Variants in LRRC8E observed in about 807,000 individuals in gnomAD.
LRRC8E encodes the protein leucine rich repeat containing 8 VRAC subunit E.
A neutral mutation model predicts 6.1 loss-of-function variants in LRRC8E; 6 were observed. The ratio of observed to expected loss-of-function variants is 0.98; its 90% CI spans 0.54 to 1.93. The LOEUF is 1.93. LRRC8E is among the 30% of genes most tolerant of loss of function. LRRC8E has a pLI of 0.01. For synonymous variants in LRRC8E, 485 were observed against 472.8 expected (o/e 1.03, Z -0.33); for missense variants, 1,028 against 1,031.4 (o/e 1.00, Z 0.04).
Position 7,895,409 on chromosome 19 carries a change from G to C in LRRC8E, c.-5-190G>C. The C allele has an allele frequency of 1.6e-6, 1 of 639,634 alleles. No homozygotes were observed. 39.6% of individuals were successfully genotyped at this position (639,634 alleles called of 1,614,324 possible). A position where few individuals can be genotyped will look rare whatever the true frequency, so the allele number is the denominator to read the frequency against. ...GTGGCCGCTTGGTTCTGGGCAGGTGGTGACGTCTGCATGGAGGGTGACTAA... is the reference window on the plus strand; with the variant it reads ...GTGGCCGCTTGGTTCTGGGCAGGTGCTGACGTCTGCATGGAGGGTGACTAA... On this transcript the variant is annotated intron_variant, in intron 1 of 2. Coordinates refer to ENST00000306708, the MANE Select transcript of LRRC8E (RefSeq NM_025061.6). This position sits in a 1 kb window ranked among gnomAD's most constrained non-coding sequence, Gnocchi z 4.7.
rs760022377 is a variant in LRRC8E at position 7,900,936 on chromosome 19, G to A, written c.*23G>A. ...TGAAGCTGGGGTGGGGCCGTTTTAG[G>A]TAGAGCCTTAAAAATGCTTCTGCCC... On this transcript the variant is annotated 3_prime_UTR_variant, in exon 3 of 3. Coordinates refer to ENST00000306708, the MANE Select transcript of LRRC8E (RefSeq NM_025061.6). The surrounding 1 kb of genome is among the most constrained non-coding windows in gnomAD (Gnocchi z 5.0). 7.0e-5 allele frequency: 105 copies of A among 1,492,584 alleles called. No homozygotes were observed. In the Middle Eastern group the frequency reaches 8.7e-4, roughly 12 times the overall value. The allele number at this position is 1,492,584 out of a possible 1,614,324, so 92.5% of individuals were successfully genotyped here. A position where few individuals can be genotyped will look rare whatever the true frequency, so the allele number is the denominator to read the frequency against.
In LRRC8E at chr19:7,899,958, A is replaced by C. The variant is rs763285965; in HGVS notation, c.1436A>C (p.Gln479Pro). The C allele has an allele frequency of 5.0e-6, 8 of 1,609,450 alleles. No homozygotes were observed. The Admixed American group carries it at 1.3e-4, about 27-fold the overall frequency. Residue 479 changes from glutamine (Q) to proline (P), a missense_variant, in exon 3 of 3, where the codon CAG (glutamine) becomes CCG (proline). By Grantham distance (76) the Gln-to-Pro change is moderately conservative. Transcript: ENST00000306708. ...CCCGCCAGGCTACCCTTCTCCTTGC[A>C]GGTCTTCCTGCGGGACCACCTGAAG... ...HSPARLPFSL[Q>P]VFLRDHLKVM...
intron 1 of LRRC8E, among the ~76,000 whole-genome samples, chr19:7,889,551 T>C (rs1981195899): frequency 6.6e-6 from 1 of 151,766 alleles, no homozygotes; most frequent in South Asian, 2.1e-4. Context: ...AAGACCAGCC[T>C]GGGCAACATA....
chr19:7,895,672 G>A lies in LRRC8E; in HGVS notation c.69G>A (p.Trp23Ter). 6.2e-7 allele frequency: 1 copy of A among 1,614,166 alleles called. No individual in the cohort carries two copies. Among genetic ancestry groups the A allele is most frequent in the Non-Finnish European group, 8.5e-7 (1 of 1,179,984 alleles). ...QQPAFKVLKP[W>*]WDVLAEYLTV... ...CTGCGTTCAAGGTGCTCAAACCCTG[G>A]TGGGACGTGCTGGCCGAGTACCTCA... Residue 23 changes from tryptophan (W) to a stop codon, truncating the protein, a stop_gained, in exon 2 of 3, where the codon TGG becomes TGA. Transcript: ENST00000306708. LOFTEE classifies it high-confidence loss of function. The surrounding 1 kb of genome is among the most constrained non-coding windows in gnomAD (Gnocchi z 4.7).
Position 7,902,005 on chromosome 19 carries a change from C to A in LRRC8E, c.*1092C>A, listed in dbSNP as rs1361766816. On this transcript the variant is annotated 3_prime_UTR_variant, in exon 3 of 3. Transcript: ENST00000306708. ...TTCTCTGGGTGCTTAATAAATAATA[C>A]TAATTATGCAAGTTCTAGTTTTGAT... The A allele has an allele frequency of 6.6e-6, 1 of 152,132 alleles. No individual in the cohort carries two copies. The highest frequency in any genetic ancestry group is 1.5e-5 in the Non-Finnish European group (1 of 68,022). The allele number at this position is 152,132 out of a possible 1,614,324, so 9.4% of individuals were successfully genotyped here.
chr19:7,898,991 T>G lies in LRRC8E; in HGVS notation c.469T>G (p.Phe157Val), dbSNP rs1372895613. ...CTTCATCTCCATCCTGGGCAAGTGT[T>G]TCGACTCTCCATGGACCACCAGGGC... ...EHFISILGKC[F>V]DSPWTTRALS... The change falls in exon 3 of 3, where the codon TTC becomes GTC. Residue 157 changes from phenylalanine to valine, a missense_variant. Coordinates refer to ENST00000306708, the MANE Select transcript of LRRC8E (RefSeq NM_025061.6). 6.2e-7 allele frequency: 1 copy of G among 1,614,048 alleles called. No individual in the cohort carries two copies. Among genetic ancestry groups the G allele is most frequent in the East Asian group, 2.2e-5 (1 of 44,882 alleles).
chr19:7,900,755 A>T lies in LRRC8E; in HGVS notation c.2233A>T (p.Arg745Ter). The T allele has an allele frequency of 6.2e-7, 1 of 1,611,862 alleles. No individual in the cohort carries two copies. Among genetic ancestry groups the T allele is most frequent in the Non-Finnish European group, 8.5e-7 (1 of 1,179,056 alleles). Residue 745 changes from arginine (R) to a stop codon, truncating the protein, a stop_gained, in exon 3 of 3, where the codon AGA becomes TGA. Transcript: ENST00000306708. LOFTEE classifies it low-confidence loss of function (END_TRUNC). This position sits in a 1 kb window ranked among gnomAD's most constrained non-coding sequence, Gnocchi z 5.0. The stretch of plus-strand genomic sequence containing the variant: ...GCTCTCGCCCCACGTGGGTGCCCTC[A>T]GAGCCCTCAGCCGCCTGGAGCTCAA... ...SQLSPHVGAL[R>*]ALSRLELKGN...
chr19:7,894,721 C>G (rs963294274), intron 1 of LRRC8E, among the ~76,000 whole-genome samples: 29 of 152,206 alleles, frequency 1.9e-4, no homozygotes, highest in Non-Finnish European at 3.4e-4. Flanking sequence ...TTGTGGCTGG[C>G]CTGTCTGTAT....
chr19:7,897,071 G>A (rs965198897), intron 2 of LRRC8E, among the ~76,000 whole-genome samples: 2 of 152,190 alleles, frequency 1.3e-5, no homozygotes, highest in African/African-American at 4.8e-5. Context: ...CAAGGCGTCA[G>A]TTGTCAGTGA....
At position 7,899,527 on chromosome 19, in the gene LRRC8E, C is replaced by T; in HGVS notation, c.1005C>T (p.Phe335=). 1 of 1,614,002 alleles carries T rather than the reference C, an allele frequency of 6.2e-7. No individual in the cohort carries two copies. The highest frequency in any genetic ancestry group is 8.5e-7 in the Non-Finnish European group (1 of 1,180,042). Residue 335 remains phenylalanine (F), a synonymous_variant, in exon 3 of 3, where the codon TTC becomes TTT. Transcript: ENST00000306708. ...LTCIYTLYWL[F]HRPLKEYSFR... Reference sequence around the variant, plus strand: ...GCATCTACACGCTCTACTGGCTCTTCCACCGGCCCCTCAAGGAGTACTCCT... The same window carrying T: ...GCATCTACACGCTCTACTGGCTCTTTCACCGGCCCCTCAAGGAGTACTCCT...
rs377048254 is a variant in LRRC8E at position 7,899,106 on chromosome 19, C to T, written c.584C>T (p.Pro195Leu). 198 of 1,612,866 alleles carry T rather than the reference C, an allele frequency of 1.2e-4. 1 individual carries two copies. Among genetic ancestry groups the T allele is most frequent in the South Asian group, 1.8e-4 (16 of 91,054 alleles). ...ATIVAMAGTG[P>L]GKAGEGEKEK... Reference sequence around the variant, plus strand: ...ATAGTGGCCATGGCAGGGACCGGGCCGGGGAAGGCAGGGGAGGGTGAGAAG... The same window carrying T: ...ATAGTGGCCATGGCAGGGACCGGGCTGGGGAAGGCAGGGGAGGGTGAGAAG... The change falls in exon 3 of 3, where the codon CCG becomes CTG. Residue 195 changes from proline (P) to leucine (L), a missense_variant. Pro to Leu is a moderately conservative substitution (Grantham distance 98). Coordinates refer to ENST00000306708, the MANE Select transcript of LRRC8E (RefSeq NM_025061.6).
intron 2 of LRRC8E, among the ~76,000 whole-genome samples, chr19:7,897,048 A>T (rs1981632271): frequency 6.6e-6 from 1 of 152,210 alleles, no homozygotes; most frequent in Non-Finnish European, 1.5e-5. Context: ...TCTGGAGGCC[A>T]GAAGTCTGAG....
At chr19:7,894,285 G>A (rs1255228852) in intron 1 of LRRC8E, among the ~76,000 whole-genome samples, 3 of 152,166 alleles carry the variant, frequency 2.0e-5, no homozygotes, top group Admixed American at 1.3e-4. Flanking sequence ...GAGTGCAGTG[G>A]CACGGTCTCA....
chr19:7,890,353 G>A (rs930219792), intron 1 of LRRC8E, among the ~76,000 whole-genome samples: 14 of 152,272 alleles, frequency 9.2e-5, no homozygotes, highest in Middle Eastern at 3.4e-3. Flanking sequence ...ATGCAACACC[G>A]CTCTTAGGTG....
In LRRC8E at chr19:7,895,780, G is replaced by T. The variant is rs1179277373; in HGVS notation, c.138+39G>T. ...CTGGCAAGGGGGTGTGACCAGAGGG[G>T]CGGGGCAGGTGTCTGGGGAAGTCGG... On this transcript the variant is annotated intron_variant, in intron 2 of 2. Coordinates refer to ENST00000306708, the MANE Select transcript of LRRC8E (RefSeq NM_025061.6). The surrounding 1 kb of genome is among the most constrained non-coding windows in gnomAD (Gnocchi z 4.7). 4 of 1,601,124 alleles carry T rather than the reference G, an allele frequency of 2.5e-6. No individual in the cohort carries two copies. Among genetic ancestry groups the T allele is most frequent in the Non-Finnish European group, 3.4e-6 (4 of 1,169,500 alleles).
At position 7,900,004 on chromosome 19, in the gene LRRC8E, G is replaced by A; in HGVS notation, c.1482G>A (p.Glu494=). 1 of 1,609,740 alleles carries A rather than the reference G, an allele frequency of 6.2e-7. No homozygotes were observed. The highest frequency in any genetic ancestry group is 2.2e-5 in the East Asian group (1 of 44,818). ...DHLKVMRVKC[E]ELREVPLWVF... Reference sequence around the variant, plus strand: ...TGAAGGTGATGCGCGTCAAATGCGAGGAGCTCCGCGAGGTGCCGCTTTGGG... The same window carrying A: ...TGAAGGTGATGCGCGTCAAATGCGAAGAGCTCCGCGAGGTGCCGCTTTGGG... The change falls in exon 3 of 3, where the codon GAG becomes GAA. Residue 494 remains glutamate (E), a synonymous_variant. Coordinates refer to ENST00000306708, the MANE Select transcript of LRRC8E (RefSeq NM_025061.6). This position sits in a 1 kb window ranked among gnomAD's most constrained non-coding sequence, Gnocchi z 5.0.
chr19:7,892,262 C>T (rs939938450), intron 1 of LRRC8E, among the ~76,000 whole-genome samples: 49 of 151,752 alleles, frequency 3.2e-4, no homozygotes, highest in African/African-American at 1.1e-3. Context: ...TTAGTAGAGA[C>T]GGGGTTTCGC....
In LRRC8E at chr19:7,900,042, G is replaced by A. The variant is rs764610481; in HGVS notation, c.1520G>A (p.Arg507Gln). 1.7e-5 allele frequency: 27 copies of A among 1,610,746 alleles called. No individual in the cohort carries two copies. Among genetic ancestry groups the A allele is most frequent in the African/African-American group, 2.7e-5 (2 of 75,014 alleles). Residue 507 changes from arginine to glutamine, a missense_variant, in exon 3 of 3, where the codon CGG becomes CAG. Coordinates refer to ENST00000306708, the MANE Select transcript of LRRC8E (RefSeq NM_025061.6). The surrounding 1 kb of genome is among the most constrained non-coding windows in gnomAD (Gnocchi z 5.0). ...REVPLWVFGL[R>Q]GLEELHLEGL... ...GTGCCGCTTTGGGTGTTTGGGCTGC[G>A]GGGCTTGGAGGAGCTGCACCTGGAG...
chr19:7,899,951 T>C lies in LRRC8E; in HGVS notation c.1429T>C (p.Ser477Pro), dbSNP rs765165301. The change falls in exon 3 of 3, where the codon TCC becomes CCC. Residue 477 changes from serine (S) to proline (P), a missense_variant. By Grantham distance (74) the Ser-to-Pro change is moderately conservative. Coordinates refer to ENST00000306708, the MANE Select transcript of LRRC8E (RefSeq NM_025061.6). ...LLHSPARLPF[S>P]LQVFLRDHLK... Reference sequence around the variant, plus strand: ...CCACTCGCCCGCCAGGCTACCCTTCTCCTTGCAGGTCTTCCTGCGGGACCA... The same window carrying C: ...CCACTCGCCCGCCAGGCTACCCTTCCCCTTGCAGGTCTTCCTGCGGGACCA... 6.2e-7 allele frequency: 1 copy of C among 1,609,076 alleles called. No individual in the cohort carries two copies. Among genetic ancestry groups the C allele is most frequent in the Non-Finnish European group, 8.5e-7 (1 of 1,179,728 alleles).
Sources: gnomAD v4.1 joint callset for allele counts (sites outside exome capture counted in the v4.1 genomes callset) on GRCh38, gnomAD v4.1.1 for gene constraint, Gnocchi (gnomAD v3.1) non-coding constraint, MANE v1.5 for transcripts, NCBI Gene and HGNC (gene_info 2026-07-23, HGNC 2026-07-21) for gene names.